SCFD1: variants seen among roughly 807,000 people sequenced by gnomAD.
SCFD1 encodes the protein sec1 family domain containing 1, also known as sec1 family domain-containing protein 1.
A neutral mutation model predicts 103.2 loss-of-function variants in SCFD1; 37 were observed. The ratio of observed to expected loss-of-function variants is 0.36; its 90% CI spans 0.28 to 0.47. SCFD1 has a LOEUF of 0.47. Among genes scored for constraint, SCFD1 ranks in the 20% least tolerant of loss-of-function variants. The pLI, the probability that SCFD1 is intolerant of heterozygous loss-of-function variation, is 1.00. For missense variants in SCFD1, 639 were observed against 761.2 expected (o/e 0.84, Z 1.89); for synonymous variants, 264 against 245.0 (o/e 1.08, Z -0.73).
chr14:30,652,563 C>G (rs528045287), intron 9 of SCFD1, among the ~76,000 whole-genome samples: 1 of 152,124 alleles, frequency 6.6e-6, no homozygotes, highest in Non-Finnish European at 1.5e-5. Flanking sequence ...AATTTATAAG[C>G]TCCTACTCTT....
intron 10 of SCFD1, among the ~76,000 whole-genome samples, chr14:30,667,992 GATTCA>G (rs1488814731): frequency 6.6e-6 from 1 of 152,146 alleles, no homozygotes; most frequent in African/African-American, 2.4e-5. Context: ...GTAATTTATA[GATTCA>G]ATGCCATCCC....
rs2139364160 is a variant in SCFD1, at chr14:30,707,817, C to T, written c.1554-173C>T. 3 of 689,172 alleles carry T rather than the reference C, an allele frequency of 4.4e-6. No individual in the cohort carries two copies. In the East Asian group the frequency reaches 8.5e-5, roughly 20 times the overall value. The allele number at this position is 689,172 out of a possible 1,614,324, so 42.7% of individuals were successfully genotyped here. A position where few individuals can be genotyped will look rare whatever the true frequency, so the allele number is the denominator to read the frequency against. ...ATTTTATTGTTAAATAAAATTGCAG[C>T]TGTGATACCCATGGCAGCAGAAATT... On this transcript the variant is annotated intron_variant, in intron 18 of 24. Coordinates refer to ENST00000458591, the MANE Select transcript of SCFD1 (RefSeq NM_016106.4).
Position 30,683,009 on chromosome 14 carries a change from A to G in SCFD1, c.1242+7944A>G, listed in dbSNP as rs1368429929. ...AAGACAGACCATCTAAGGAAAAGTT[A>G]AAAAGACGACACAAGGACAGGCTGG... On this transcript the variant is annotated intron_variant, in intron 14 of 24. Transcript: ENST00000458591. 6.2e-6 allele frequency: 7 copies of G among 1,122,632 alleles called. No homozygotes were observed. In the South Asian group the frequency reaches 8.5e-5, roughly 14 times the overall value. 69.5% of individuals were successfully genotyped at this position (1,122,632 alleles called of 1,614,324 possible). A position where few individuals can be genotyped will look rare whatever the true frequency, so the allele number is the denominator to read the frequency against.
intron 16 of SCFD1, 85 bp downstream of exon 16, chr14:30,700,343 A>G (rs558178892): frequency 2.2e-6 from 2 of 917,008 alleles, no homozygotes; most frequent in East Asian, 4.9e-5. Flanking sequence ...AGAAGTAAAA[A>G]TCACTGTGGC....
At chr14:30,724,128 G>A (rs1207927150) in intron 23 of SCFD1, among the ~76,000 whole-genome samples, 1 of 146,120 alleles carries the variant, frequency 6.8e-6, no homozygotes, top group Non-Finnish European at 1.5e-5. Context: ...ATCTCATTGT[G>A]GTTTCGATTT....
intron 21 of SCFD1, among the ~76,000 whole-genome samples, chr14:30,721,355 T>C (rs1373488159): frequency 6.6e-6 from 1 of 152,132 alleles, no homozygotes; most frequent in South Asian, 2.1e-4. Flanking sequence ...CTTTGAAAAA[T>C]GTCTTTATAA....
At chr14:30,681,185 C>T (rs1889442474) in intron 14 of SCFD1, among the ~76,000 whole-genome samples, 1 of 149,250 alleles carries the variant, frequency 6.7e-6, no homozygotes, top group Non-Finnish European at 1.5e-5. Context: ...CGTGCTATTG[C>T]ACTCCAGCCT....
intron 7 of SCFD1, chr14:30,644,016 C>G (rs1199908925): frequency 6.6e-6 from 3 of 456,270 alleles, no homozygotes; most frequent in African/African-American, 2.0e-5. Context: ...CCTCTATGCT[C>G]AGGTAGACCC....
intron 3 of SCFD1, among the ~76,000 whole-genome samples, chr14:30,632,776 A>C (rs1285574334): frequency 6.6e-6 from 1 of 152,206 alleles, no homozygotes; most frequent in Non-Finnish European, 1.5e-5. Flanking sequence ...TTGCTTGACC[A>C]CTAATTCTGT....
intron 3 of SCFD1, among the ~76,000 whole-genome samples, chr14:30,631,701 T>C (rs1259792702): frequency 6.6e-6 from 1 of 152,164 alleles, no homozygotes; most frequent in African/African-American, 2.4e-5. Context: ...TTCTGATATG[T>C]TTAATAAAAA....
intron 8 of SCFD1, 151 bp downstream of exon 8, chr14:30,649,734 G>A: frequency 1.6e-6 from 1 of 625,236 alleles, no homozygotes; most frequent in South Asian, 2.0e-5. Context: ...CATTGAGATT[G>A]CACCGAAGAT....
chr14:30,634,426 TTTACCGTGCCC>T (rs1884500721), intron 4 of SCFD1, among the ~76,000 whole-genome samples: 1 of 152,200 alleles, frequency 6.6e-6, no homozygotes. Flanking sequence ...TTGCTAATCA[TTTACCGTGCCC>T]AATTTATAAA....
intron 6 of SCFD1, among the ~76,000 whole-genome samples, chr14:30,640,598 C>G (rs1382274128): frequency 6.6e-6 from 1 of 151,994 alleles, no homozygotes; most frequent in Non-Finnish European, 1.5e-5. Flanking sequence ...AATCAGTCCC[C>G]TTTAACAAGT....
At chr14:30,726,016 C>T (rs755703776) in intron 23 of SCFD1, among the ~76,000 whole-genome samples, 10 of 152,064 alleles carry the variant, frequency 6.6e-5, no homozygotes, top group South Asian at 2.1e-4. Context: ...CAGGTGTTCC[C>T]GGGGATAAAC....
intron 10 of SCFD1, among the ~76,000 whole-genome samples, chr14:30,662,697 T>C (rs1887555645): frequency 6.6e-6 from 1 of 152,252 alleles, no homozygotes; most frequent in Admixed American, 6.5e-5. Flanking sequence ...TATTTTACTT[T>C]CCTTTTCTTT....
At chr14:30,727,851 G>T (rs1379853083) in intron 23 of SCFD1, among the ~76,000 whole-genome samples, 1 of 151,986 alleles carries the variant, frequency 6.6e-6, no homozygotes, top group Admixed American at 6.6e-5. Context: ...TGTTGAGGTG[G>T]ATAACTACAA....
Position 30,671,447 on chromosome 14 carries a change from A to G in SCFD1, c.995+1052A>G, listed in dbSNP as rs970103399. Among the ~76,000 whole-genome samples the G allele has an allele frequency of 2.6e-5, 4 of 152,186 alleles. 1 individual carries two copies. The highest frequency in any genetic ancestry group is 1.3e-4 in the Admixed American group (2 of 15,270). On this transcript the variant is annotated intron_variant, in intron 11 of 24. Transcript: ENST00000458591. The stretch of plus-strand genomic sequence containing the variant: ...CTTTTATTAGAGAGGCATTATTTAT[A>G]GAGAATACAGAATATTTTGAAGTTG...
intron 8 of SCFD1, 109 bp from the exon 9 acceptor site, chr14:30,650,456 G>A: frequency 1.5e-6 from 1 of 683,250 alleles, no homozygotes; most frequent in Non-Finnish European, 2.6e-6. Flanking sequence ...TTTGCTATTT[G>A]TAAAGAAATT....
At chr14:30,700,134 T>A (rs1475440832) in intron 15 of SCFD1, 54 bp from the exon 16 acceptor site, 22 of 1,269,392 alleles carry the variant, frequency 1.7e-5, no homozygotes, top group Non-Finnish European at 2.3e-5. Context: ...TTGACTATAA[T>A]ACATAATAAC....
Sources: gnomAD v4.1 joint callset for allele counts (sites outside exome capture counted in the v4.1 genomes callset) on GRCh38, gnomAD v4.1.1 for gene constraint, MANE v1.5 for transcripts, NCBI Gene and HGNC (gene_info 2026-07-23, HGNC 2026-07-21) for gene names.